The following BMERB1 variants were observed in gnomAD, a reference collection of about 807,000 sequenced individuals.
BMERB1 encodes bMERB domain containing 1, also known as bMERB domain-containing protein 1.
Under a neutral mutation model 23.6 loss-of-function variants are expected in BMERB1, and 12 were observed. That is an observed-to-expected ratio of 0.51 (90% CI 0.33 to 0.82). BMERB1 has a LOEUF of 0.82. Among genes scored for constraint, BMERB1 ranks in the 40% least tolerant of loss-of-function variants. The probability of loss-of-function intolerance (pLI) is 0.03; values close to 1 mark genes in which losing one functional copy is unlikely to be tolerated. For missense variants in BMERB1, 247 were observed against 255.4 expected (o/e 0.97, Z 0.22); for synonymous variants, 122 against 96.6 (o/e 1.26, Z -1.54).
intron 1 of BMERB1, among the ~76,000 whole-genome samples, chr16:15,483,095 C>T (rs1296754503): frequency 2.0e-5 from 3 of 152,198 alleles, no homozygotes; most frequent in Admixed American, 6.5e-5. Context: ...TTTCCCATAT[C>T]CTGCCTTTTT....
chr16:15,530,415 A>G (rs1341767594), intron 2 of BMERB1, among the ~76,000 whole-genome samples: 3 of 152,122 alleles, frequency 2.0e-5, no homozygotes. Context: ...TTTTAAAAAT[A>G]TATATTTTTC....
At chr16:15,474,400 T>C (rs940337128) in intron 1 of BMERB1, among the ~76,000 whole-genome samples, 4 of 152,200 alleles carry the variant, frequency 2.6e-5, no homozygotes, top group African/African-American at 9.7e-5. Context: ...GGTCTCACTC[T>C]GTTGCCCAGG....
chr16:15,460,499 C>G (rs1415996278), intron 1 of BMERB1, among the ~76,000 whole-genome samples: 1 of 152,138 alleles, frequency 6.6e-6, no homozygotes, highest in Non-Finnish European at 1.5e-5. Flanking sequence ...AAAAGTAAGA[C>G]ATTACTCATT....
chr16:15,457,025 C>T lies in BMERB1; in HGVS notation c.106+22266C>T, dbSNP rs553536619. 2.6e-5 allele frequency among the ~76,000 whole-genome samples: 4 copies of T among 152,170 alleles called. No homozygotes were observed. The South Asian group carries it at 8.3e-4, about 32-fold the overall frequency. Reference sequence around the variant, plus strand: ...ATTTTTAGTAGAGACAGGGTTTCACCATGTTGGCCAGGCTGGTTTCGAACT... The same window carrying T: ...ATTTTTAGTAGAGACAGGGTTTCACTATGTTGGCCAGGCTGGTTTCGAACT... On this transcript the variant is annotated intron_variant, in intron 1 of 5. Transcript: ENST00000300006.
intron 2 of BMERB1, among the ~76,000 whole-genome samples, chr16:15,559,770 A>C (rs2030367064): frequency 1.3e-5 from 2 of 152,178 alleles, no homozygotes; most frequent in Non-Finnish European, 2.9e-5. Context: ...TCAAAGGACC[A>C]TGAAGCTTTT....
chr16:15,435,767 T>C (rs1321814474), intron 1 of BMERB1, among the ~76,000 whole-genome samples: 3 of 152,230 alleles, frequency 2.0e-5, no homozygotes, highest in African/African-American at 7.2e-5. Context: ...GTGTGCGCGC[T>C]TTCTTTCTCT....
chr16:15,436,146 G>A (rs547345068), intron 1 of BMERB1, among the ~76,000 whole-genome samples: 8 of 151,926 alleles, frequency 5.3e-5, no homozygotes, highest in South Asian at 2.1e-4. Flanking sequence ...GGGTAAACGG[G>A]GTATCCAAAA....
intron 2 of BMERB1, among the ~76,000 whole-genome samples, chr16:15,519,445 C>T (rs886726320): frequency 1.3e-5 from 2 of 152,126 alleles, no homozygotes; most frequent in African/African-American, 2.4e-5. Context: ...GGCTGGAGTG[C>T]AGTGGTGCGA....
intron 2 of BMERB1, among the ~76,000 whole-genome samples, chr16:15,558,057 T>A (rs1220252360): frequency 1.4e-5 from 2 of 144,320 alleles, no homozygotes; most frequent in African/African-American, 5.8e-5. Flanking sequence ...AAAAAAAATT[T>A]TTTTTGACTT....
At chr16:15,481,822 T>C (rs2051323004) in intron 1 of BMERB1, among the ~76,000 whole-genome samples, 1 of 151,568 alleles carries the variant, frequency 6.6e-6, no homozygotes, top group Non-Finnish European at 1.5e-5. Context: ...CCTCCCAGGT[T>C]CAAGCAACTC....
intron 3 of BMERB1, among the ~76,000 whole-genome samples, chr16:15,574,767 A>G (rs1172436038): frequency 6.6e-6 from 1 of 152,156 alleles, no homozygotes; most frequent in Non-Finnish European, 1.5e-5. Flanking sequence ...GTTAAGGAAG[A>G]GAAGCTTTGT....
intron 3 of BMERB1, 86 bp downstream of exon 3, chr16:15,568,142 A>C: frequency 8.7e-7 from 1 of 1,155,504 alleles, no homozygotes; most frequent in Non-Finnish European, 1.3e-6. Flanking sequence ...TCTGGAAGAC[A>C]GAGCCTCATT....
intron 3 of BMERB1, among the ~76,000 whole-genome samples, chr16:15,578,366 CTT>C (rs1180807247): frequency 2.0e-5 from 3 of 152,066 alleles, no homozygotes; most frequent in East Asian, 3.9e-4. Flanking sequence ...GCTTGGGTCT[CTT>C]TCCTCTTCTC....
intron 1 of BMERB1, among the ~76,000 whole-genome samples, chr16:15,474,351 G>T (rs2150932882): frequency 6.6e-6 from 1 of 151,936 alleles, no homozygotes; most frequent in East Asian, 1.9e-4. Context: ...TCTCCTTCTA[G>T]GAATACAAAT....
intron 2 of BMERB1, among the ~76,000 whole-genome samples, chr16:15,535,356 G>C (rs2150960959): frequency 6.6e-6 from 1 of 151,496 alleles, no homozygotes; most frequent in East Asian, 1.9e-4. Flanking sequence ...GTCTCAAAAA[G>C]AAGAAAGAGG....
At chr16:15,567,363 C>T (rs906949732) in intron 2 of BMERB1, among the ~76,000 whole-genome samples, 8 of 152,076 alleles carry the variant, frequency 5.3e-5, no homozygotes, top group African/African-American at 1.9e-4. Flanking sequence ...AGCTGAAAAA[C>T]GAAACTGAAT....
At chr16:15,486,123 A>C (rs989904609) in intron 1 of BMERB1, among the ~76,000 whole-genome samples, 2 of 149,934 alleles carry the variant, frequency 1.3e-5, no homozygotes, top group Admixed American at 6.8e-5. Context: ...AATCGCTGGA[A>C]CTTGGGAGGC....
chr16:15,533,122 G>A (rs765130180), intron 2 of BMERB1: 41 of 397,428 alleles, frequency 1.0e-4, no homozygotes, highest in Non-Finnish European at 2.0e-4. Flanking sequence ...GCTCAGTCCA[G>A]TGCCTGCTAC....
rs753255088 is a variant in BMERB1, at chr16:15,581,216, G to A, written c.305-1G>A. On this transcript the variant is annotated splice_acceptor_variant, in intron 3 of 5. Coordinates refer to ENST00000300006, the MANE Select transcript of BMERB1 (RefSeq NM_033201.3). LOFTEE classifies it high-confidence loss of function. ...TCTCCTTGTTGATGTCTTCTTTCCA[G>A]AAAAAGAAAAAACCAAACTGCAGAA... 6.2e-7 allele frequency: 1 copy of A among 1,607,456 alleles called. No homozygotes were observed. The highest frequency in any genetic ancestry group is 2.2e-5 in the East Asian group (1 of 44,820).
Sources: gnomAD v4.1 joint callset for allele counts (sites outside exome capture counted in the v4.1 genomes callset) on GRCh38, gnomAD v4.1.1 for gene constraint, MANE v1.5 for transcripts, NCBI Gene and HGNC (gene_info 2026-07-23, HGNC 2026-07-21) for gene names.